The following L3MBTL4 variants were observed in gnomAD, a reference collection of about 807,000 sequenced individuals.
The protein encoded by L3MBTL4 is lethal(3)malignant brain tumor-like protein 4.
L3MBTL4 carries 70 observed loss-of-function variants against 84.5 expected under a neutral mutation model. The observed-to-expected ratio is 0.83, with a 90% CI of 0.68 to 1.01. The LOEUF (loss-of-function observed/expected upper bound fraction) is 1.01. L3MBTL4 is among the 50% of genes least tolerant of loss of function. The pLI is 0.00. For synonymous variants in L3MBTL4, 274 were observed against 259.8 expected (o/e 1.05, Z -0.52); for missense variants, 715 against 754.8 (o/e 0.95, Z 0.62).
intron 13 of L3MBTL4, among the ~76,000 whole-genome samples, chr18:6,159,677 G>T (rs1483502666): frequency 1.3e-5 from 2 of 152,154 alleles, no homozygotes; most frequent in East Asian, 3.9e-4. Flanking sequence ...CTCCCTGAAG[G>T]GCCAGCACCA....
At chr18:6,154,813 G>C (rs1205460960) in intron 13 of L3MBTL4, among the ~76,000 whole-genome samples, 1 of 152,132 alleles carries the variant, frequency 6.6e-6, no homozygotes, top group Non-Finnish European at 1.5e-5. Context: ...CTGTGTGAAA[G>C]AATTTTCCTT....
At chr18:6,362,193 A>AAGGG (rs1239937767) in intron 1 of L3MBTL4, among the ~76,000 whole-genome samples, 15 of 102,946 alleles carry the variant, frequency 1.5e-4, no homozygotes, top group Admixed American at 3.4e-4. Context: ...GGAAGGAAGG[A>AAGGG]AGGGAGGGAG....
At chr18:6,037,506 T>C (rs1199221958) in intron 16 of L3MBTL4, among the ~76,000 whole-genome samples, 10 of 152,202 alleles carry the variant, frequency 6.6e-5, no homozygotes, top group African/African-American at 2.4e-4. Flanking sequence ...AAGAAGCATC[T>C]CATTCTTGCA....
At chr18:6,371,404 G>A (rs1043369559) in intron 1 of L3MBTL4, among the ~76,000 whole-genome samples, 4 of 152,178 alleles carry the variant, frequency 2.6e-5, no homozygotes, top group African/African-American at 9.7e-5. Context: ...CTCTGTAAGC[G>A]AGACCCTGCG....
At chr18:6,241,573 T>A in intron 7 of L3MBTL4, 124 bp from the exon 8 acceptor site, 1 of 572,554 alleles carries the variant, frequency 1.7e-6, no homozygotes, top group Non-Finnish European at 3.1e-6. Context: ...AAAAACGCAA[T>A]TACTTTTGCA....
At chr18:5,973,432 G>C (rs937404752) in intron 16 of L3MBTL4, among the ~76,000 whole-genome samples, 3 of 152,052 alleles carry the variant, frequency 2.0e-5, no homozygotes, top group Non-Finnish European at 2.9e-5. Flanking sequence ...TAAAAGTTAG[G>C]GTGATTTGCA....
chr18:6,145,225 A>G (rs2042597444), intron 13 of L3MBTL4, among the ~76,000 whole-genome samples: 1 of 152,170 alleles, frequency 6.6e-6, no homozygotes, highest in African/African-American at 2.4e-5. Flanking sequence ...GAAAAAGGGA[A>G]CTGTCTTTTC....
At chr18:6,263,624 C>T (rs987864495) in intron 5 of L3MBTL4, among the ~76,000 whole-genome samples, 1 of 152,158 alleles carries the variant, frequency 6.6e-6, no homozygotes, top group African/African-American at 2.4e-5. Context: ...ATAGTATGCA[C>T]ATTGCATCCT....
chr18:6,084,267 C>T (rs561907845), intron 15 of L3MBTL4, among the ~76,000 whole-genome samples: 6 of 152,280 alleles, frequency 3.9e-5, no homozygotes, highest in African/African-American at 1.2e-4. Context: ...AACACAGCCA[C>T]GGTCACTTCT....
Position 6,069,662 on chromosome 18 carries a change from T to A in L3MBTL4, c.1444+11219A>T, listed in dbSNP as rs867226634. Among the ~76,000 whole-genome samples the A allele has an allele frequency of 1.8e-4, 28 of 152,098 alleles. 1 individual carries two copies. The highest frequency in any genetic ancestry group is 2.6e-4 in the Admixed American group (4 of 15,276). On this transcript the variant is annotated intron_variant, in intron 16 of 18. Transcript: ENST00000317931. ...TCCAGAAGGGAGTATAACTGCCTCT[T>A]CTGCACAGAAGAGTTCACAAAGGTA...
At chr18:6,040,474 C>T (rs1240823331) in intron 16 of L3MBTL4, among the ~76,000 whole-genome samples, 1 of 152,206 alleles carries the variant, frequency 6.6e-6, no homozygotes, top group Non-Finnish European at 1.5e-5. Flanking sequence ...CAATCCATTA[C>T]AGAACCAAAA....
intron 12 of L3MBTL4, among the ~76,000 whole-genome samples, chr18:6,187,561 G>C (rs1243285465): frequency 1.3e-5 from 2 of 152,198 alleles, no homozygotes; most frequent in East Asian, 1.9e-4. Context: ...TGCACAAATG[G>C]CTCATGTTTA....
chr18:6,220,446 T>A (rs972311782), intron 10 of L3MBTL4, among the ~76,000 whole-genome samples: 1 of 152,138 alleles, frequency 6.6e-6, no homozygotes, highest in Non-Finnish European at 1.5e-5. Flanking sequence ...TCCAGACTTG[T>A]CACCTTATCT....
At chr18:6,207,907 C>T (rs985874026) in intron 12 of L3MBTL4, among the ~76,000 whole-genome samples, 1 of 151,810 alleles carries the variant, frequency 6.6e-6, no homozygotes, top group Non-Finnish European at 1.5e-5. Context: ...GAGTTCAAGA[C>T]CAGCCTGGGC....
rs115283396 is a variant in L3MBTL4 at position 6,096,311 on chromosome 18, T to G, written c.1200-2783A>C. Among the ~76,000 whole-genome samples the G allele has an allele frequency of 5.3e-3, 813 of 152,324 alleles. 5 individuals are homozygous for G. The highest frequency in any genetic ancestry group is 0.019 in the African/African-American group (771 of 41,574). On this transcript the variant is annotated intron_variant, in intron 14 of 18. Transcript: ENST00000317931. Reference sequence around the variant, plus strand: ...TTCAATCATTCACCTATTTCTAATTTCCTCCTAGTTCCTTTTTTGTCTCTC... The same window carrying G: ...TTCAATCATTCACCTATTTCTAATTGCCTCCTAGTTCCTTTTTTGTCTCTC...
chr18:6,260,292 A>C (rs2048342510), intron 5 of L3MBTL4: 1 of 152,112 alleles, frequency 6.6e-6, no homozygotes, highest in South Asian at 2.1e-4. Context: ...TGTGAATTTT[A>C]GAGTAAGTTT....
At chr18:6,246,576 T>G (rs957008743) in intron 5 of L3MBTL4, among the ~76,000 whole-genome samples, 2 of 152,220 alleles carry the variant, frequency 1.3e-5, no homozygotes, top group African/African-American at 4.8e-5. Context: ...AACATCTGAA[T>G]GCCTATTTTG....
At chr18:6,266,520 A>G (rs1004711720) in intron 4 of L3MBTL4, among the ~76,000 whole-genome samples, 3 of 152,196 alleles carry the variant, frequency 2.0e-5, no homozygotes, top group Non-Finnish European at 4.4e-5. Flanking sequence ...GGTAAGATGC[A>G]CCTCTCACTA....
intron 10 of L3MBTL4, among the ~76,000 whole-genome samples, chr18:6,223,047 T>A (rs2046626198): frequency 6.6e-6 from 1 of 151,664 alleles, no homozygotes; most frequent in African/African-American, 2.4e-5. Flanking sequence ...TTTGCAAAGC[T>A]AAATATTTCT....
Sources: gnomAD v4.1 joint callset for allele counts (sites outside exome capture counted in the v4.1 genomes callset) on GRCh38, gnomAD v4.1.1 for gene constraint, MANE v1.5 for transcripts, NCBI Gene and HGNC (gene_info 2026-07-23, HGNC 2026-07-21) for gene names.